ZBTB25: variants seen among roughly 807,000 people sequenced by gnomAD.
ZBTB25 encodes the protein zinc finger and BTB domain-containing protein 25.
ZBTB25 carries 20 observed loss-of-function variants against 34.2 expected under a neutral mutation model. That is an observed-to-expected ratio of 0.58 (90% CI 0.41 to 0.85). The LOEUF (loss-of-function observed/expected upper bound fraction) is 0.85, where lower values mean the gene tolerates loss of function less well. Among genes scored for constraint, ZBTB25 ranks in the 40% least tolerant of loss-of-function variants. The pLI, the probability that ZBTB25 is intolerant of heterozygous loss-of-function variation, is 0.00. For synonymous variants in ZBTB25, 175 were observed against 186.4 expected (o/e 0.94, Z 0.50); for missense variants, 437 against 521.8 (o/e 0.84, Z 1.58).
In ZBTB25 at chr14:64,487,594, C is replaced by T. The variant is rs369719781; in HGVS notation, c.637G>A (p.Val213Met). 211 of 1,606,354 alleles carry T rather than the reference C, an allele frequency of 1.3e-4. No homozygotes were observed. The highest frequency in any genetic ancestry group is 1.7e-4 in the Non-Finnish European group (197 of 1,175,278). ...GGTGAGGGGTGGCTCTGGGAGATCA[C>T]AGATTCTGGGTCACATCTCTCCTGC... is the stretch of plus-strand genomic sequence containing the variant. ...IKQERCDPES[V>M]ISQSHPSPSS... Residue 213 changes from valine to methionine, a missense_variant, in exon 3 of 3, where the codon GTG becomes ATG. Transcript: ENST00000608382.
At chr14:64,456,278 G>A (rs1241278901) in intron 2 of ZBTB25, among the ~76,000 whole-genome samples, 2 of 152,134 alleles carry the variant, frequency 1.3e-5, no homozygotes, top group African/African-American at 2.4e-5. Flanking sequence ...GGACCAAGGC[G>A]TTTCCACACA....
chr14:64,477,063 A>T (rs1485168717), downstream of ZBTB25, among the ~76,000 whole-genome samples: 2 of 152,208 alleles, frequency 1.3e-5, no homozygotes, highest in East Asian at 3.9e-4. Flanking sequence ...GTAATTTTAA[A>T]TCTTATTCTG....
In ZBTB25 at chr14:64,459,701, C is replaced by G. The variant is rs1184310012; in HGVS notation, c.174-10063G>C. 22 of 1,391,952 alleles carry G rather than the reference C, an allele frequency of 1.6e-5. No individual in the cohort carries two copies. The East Asian group carries it at 4.4e-4, about 28-fold the overall frequency. The allele number at this position is 1,391,952 out of a possible 1,614,324, so 86.2% of individuals were successfully genotyped here. On this transcript the variant is annotated intron_variant, in intron 2 of 2. Transcript: ENST00000555220. ...GGGTAATGGTGCAGTATGGAAGGAA[C>G]AGGAAACATTTCAGTGCTTGCTTAG...
chr14:64,455,495 G>A (rs2078456766), intron 2 of ZBTB25, among the ~76,000 whole-genome samples: 1 of 152,176 alleles, frequency 6.6e-6, no homozygotes, highest in African/African-American at 2.4e-5. Context: ...GGGGAGGGAT[G>A]CTTAAGGACA....
At chr14:64,489,800 C>T (rs2079014730) in intron 2 of ZBTB25, among the ~76,000 whole-genome samples, 2 of 151,778 alleles carry the variant, frequency 1.3e-5, no homozygotes, top group Non-Finnish European at 1.5e-5. Flanking sequence ...TCCCAAAGTG[C>T]TGGGATTACA....
downstream of ZBTB25, among the ~76,000 whole-genome samples, chr14:64,475,134 T>C (rs1214957988): frequency 6.6e-6 from 1 of 152,138 alleles, no homozygotes; most frequent in Admixed American, 6.6e-5. Flanking sequence ...ATTTCACATT[T>C]TGCAGGATTT....
chr14:64,486,757 T>C lies in ZBTB25; in HGVS notation c.*166A>G, dbSNP rs2141020441. 1 of 1,293,962 alleles carries C rather than the reference T, an allele frequency of 7.7e-7. No homozygotes were observed. Among genetic ancestry groups the C allele is most frequent in the South Asian group, 2.7e-5 (1 of 37,326 alleles). The allele number at this position is 1,293,962 out of a possible 1,614,324, so 80.2% of individuals were successfully genotyped here. A position where few individuals can be genotyped will look rare whatever the true frequency, so the allele number is the denominator to read the frequency against. ...AATGTTACATTTTAATAGCCACATATTAATATGTCTTATGAGAAGATCTAA... is the reference window on the plus strand; with the variant it reads ...AATGTTACATTTTAATAGCCACATACTAATATGTCTTATGAGAAGATCTAA... On this transcript the variant is annotated 3_prime_UTR_variant, in exon 3 of 3. Coordinates refer to ENST00000608382, the MANE Select transcript of ZBTB25 (RefSeq NM_006977.5).
intron 1 of ZBTB25, among the ~76,000 whole-genome samples, chr14:64,491,993 C>T (rs1231162877): frequency 3.3e-5 from 5 of 151,600 alleles, no homozygotes; most frequent in Non-Finnish European, 7.4e-5. Flanking sequence ...GTGGTGCATG[C>T]TTTAGTCCCA....
chr14:64,450,265 A>T (rs1034995245), intron 2 of ZBTB25, among the ~76,000 whole-genome samples: 1 of 152,260 alleles, frequency 6.6e-6, no homozygotes, highest in African/African-American at 2.4e-5. Context: ...TGTAGCCTTT[A>T]AAACAAGGCA....
At chr14:64,464,579 AAGG>A (rs2078590626) in intron 2 of ZBTB25, among the ~76,000 whole-genome samples, 1 of 152,208 alleles carries the variant, frequency 6.6e-6, no homozygotes, top group Admixed American at 6.5e-5. Flanking sequence ...CTGTTGAAGA[AAGG>A]AGATGAACGC....
At chr14:64,458,457 T>A in intron 2 of ZBTB25, 1 of 702,868 alleles carries the variant, frequency 1.4e-6, no homozygotes, top group Admixed American at 2.2e-5. Flanking sequence ...GGGATAGTAA[T>A]GAGAGTTGGC....
chr14:64,490,453 T>C lies in ZBTB25; in HGVS notation c.81A>G (p.Thr27=), dbSNP rs979365839. ...QREFGFLCDC[T]VAIGDVYFKA... The stretch of plus-strand genomic sequence containing the variant: ...TGAAGTAAACATCTCCAATTGCAAC[T>C]GTGCAATCACACAGAAAACCAAATT... The change falls in exon 2 of 3, where the codon ACA becomes ACG. Residue 27 remains threonine, a synonymous_variant. Coordinates refer to ENST00000608382, the MANE Select transcript of ZBTB25 (RefSeq NM_006977.5). The C allele has an allele frequency of 6.2e-7, 1 of 1,613,904 alleles. No individual in the cohort carries two copies. The highest frequency in any genetic ancestry group is 2.2e-5 in the East Asian group (1 of 44,880).
Position 64,503,304 on chromosome 14 carries a change from T to C in ZBTB25, c.-8+357A>G, listed in dbSNP as rs574522186. On this transcript the variant is annotated intron_variant, in intron 1 of 2. Coordinates refer to ENST00000608382, the MANE Select transcript of ZBTB25 (RefSeq NM_006977.5). The stretch of plus-strand genomic sequence containing the variant: ...GCCCGCTCGTAAGAGGGGTCGGCGC[T>C]ACCCGAGGGAGGCCGCAGGCCTACT... The C allele has an allele frequency of 2.3e-5, 23 of 985,388 alleles. No homozygotes were observed. The East Asian group carries it at 2.5e-3, about 107-fold the overall frequency. 61.0% of individuals were successfully genotyped at this position (985,388 alleles called of 1,614,324 possible). A position where few individuals can be genotyped will look rare whatever the true frequency, so the allele number is the denominator to read the frequency against.
At chr14:64,469,676 TGACTTACTCTCCAGA>T in intron 2 of ZBTB25, 1 of 1,559,270 alleles carries the variant, frequency 6.4e-7, no homozygotes, top group Non-Finnish European at 8.6e-7. Context: ...TCTTCTACAG[TGACTTACTCTCCAGA>T]GTCACGGCAG....
chr14:64,478,987 T>G lies in ZBTB25; in HGVS notation c.*7936A>C, dbSNP rs2078746726. The G allele has an allele frequency of 6.6e-6, 1 of 152,258 alleles. No homozygotes were observed. The highest frequency in any genetic ancestry group is 1.5e-5 in the Non-Finnish European group (1 of 68,048). The allele number at this position is 152,258 out of a possible 1,614,324, so 9.4% of individuals were successfully genotyped here. A position where few individuals can be genotyped will look rare whatever the true frequency, so the allele number is the denominator to read the frequency against. ...TATATGAATAGATTCAAAACTGTCT[T>G]GCTGATTAATACATCTCTGATTTTT... On this transcript the variant is annotated 3_prime_UTR_variant, in exon 3 of 3. Transcript: ENST00000608382.
intron 1 of ZBTB25, among the ~76,000 whole-genome samples, chr14:64,491,754 T>C (rs972408296): frequency 2.0e-5 from 3 of 152,088 alleles, no homozygotes; most frequent in African/African-American, 4.8e-5. Context: ...AAGGGCATCA[T>C]TGGGTGGCCA....
intron 2 of ZBTB25, among the ~76,000 whole-genome samples, chr14:64,464,895 C>T (rs1268478604): frequency 1.3e-5 from 2 of 152,226 alleles, no homozygotes; most frequent in African/African-American, 2.4e-5. Flanking sequence ...GCACCAATCA[C>T]CTCCACCTGC....
At chr14:64,504,290 A>G (rs1040088917), upstream of ZBTB25, among the ~76,000 whole-genome samples, 1 of 151,840 alleles carries the variant, frequency 6.6e-6, no homozygotes, top group Non-Finnish European at 1.5e-5. Context: ...GGCGACCCTG[A>G]ACCGACGGGG....
At position 64,480,216 on chromosome 14, in the gene ZBTB25, G is replaced by A. The variant is rs1317574812; in HGVS notation, c.*6707C>T. ...TGGGAACCTGTAATCTCAGCTACTC[G>A]GGAGGCTGAGGCAGGAGAATAGCTT... is the stretch of plus-strand genomic sequence containing the variant. On this transcript the variant is annotated 3_prime_UTR_variant, in exon 3 of 3. Transcript: ENST00000608382. The A allele has an allele frequency of 1.2e-5, 3 of 251,884 alleles. No individual in the cohort carries two copies. Among genetic ancestry groups the A allele is most frequent in the Admixed American group, 5.5e-5 (1 of 18,200 alleles). The allele number at this position is 251,884 out of a possible 1,614,324, so 15.6% of individuals were successfully genotyped here.
Sources: allele counts gnomAD v4.1 joint callset (sites outside exome capture counted in the v4.1 genomes callset), GRCh38; gene constraint gnomAD v4.1.1; transcripts MANE v1.5; gene names NCBI Gene and HGNC (gene_info 2026-07-23, HGNC 2026-07-21).